Variants in FKTN observed in about 807,000 individuals in gnomAD.
FKTN encodes fukutin, also known as ribitol-5-phosphate transferase FKTN.
FKTN carries 47 observed loss-of-function variants against 58.6 expected under a neutral mutation model. The observed-to-expected ratio is 0.80, with a 90% confidence interval of 0.63 to 1.02. The LOEUF (loss-of-function observed/expected upper bound fraction) is 1.02, where lower values mean the gene tolerates loss of function less well. Among genes scored for constraint, FKTN ranks in the 50% least tolerant of loss-of-function variants. The pLI is 0.00. For missense variants in FKTN, 516 were observed against 537.3 expected (o/e 0.96, Z 0.39); for synonymous variants, 178 against 191.9 (o/e 0.93, Z 0.60).
intron 5 of FKTN, among the ~76,000 whole-genome samples, chr9:105,602,678 C>T (rs1390285647): frequency 6.6e-6 from 1 of 152,218 alleles, no homozygotes; most frequent in Non-Finnish European, 1.5e-5. Context: ...GCCTCAGCCT[C>T]CTGAGTAGCT....
At chr9:105,573,189 C>T (rs1841064627) in intron 1 of FKTN, among the ~76,000 whole-genome samples, 2 of 151,512 alleles carry the variant, frequency 1.3e-5, no homozygotes, top group South Asian at 2.1e-4. Context: ...GAACTGAGAT[C>T]GTGCCACTGC....
intron 1 of FKTN, among the ~76,000 whole-genome samples, chr9:105,559,074 C>T (rs1228776659): frequency 6.6e-6 from 1 of 152,140 alleles, no homozygotes; most frequent in Non-Finnish European, 1.5e-5. Context: ...TTTCTTGGAT[C>T]TGGGTGATGA....
At chr9:105,563,963 G>C (rs548191566) in intron 1 of FKTN, among the ~76,000 whole-genome samples, 29 of 152,322 alleles carry the variant, frequency 1.9e-4, no homozygotes, top group African/African-American at 7.0e-4. Flanking sequence ...ACTTCCAGAG[G>C]AACGATCAGG....
intron 3 of FKTN, among the ~76,000 whole-genome samples, chr9:105,588,420 T>C (rs1157400703): frequency 6.6e-6 from 1 of 152,228 alleles, no homozygotes. Flanking sequence ...GCCATTCATT[T>C]GTCAAGTATT....
chr9:105,630,520 C>T (rs1490811708), intron 10 of FKTN, among the ~76,000 whole-genome samples: 1 of 152,100 alleles, frequency 6.6e-6, no homozygotes, highest in Non-Finnish European at 1.5e-5. Context: ...AACAGATTAT[C>T]CCTGTATTGT....
rs1554766276 is a variant in FKTN at position 105,632,427 on chromosome 9, A to AAT, written c.1173-2610_1173-2609dup. ...AAAACTTAAAAGTATAATAAAAAAA[A>AAT]ATATATATATATATAAAAATAAAAA... is the stretch of plus-strand genomic sequence containing the variant. On this transcript the variant is annotated intron_variant, in intron 10 of 10. Coordinates refer to ENST00000357998, the MANE Select transcript of FKTN (RefSeq NM_001079802.2). 1.6e-3 allele frequency among the ~76,000 whole-genome samples: 237 copies of AAT among 148,082 alleles called. 1 individual carries two copies. Among genetic ancestry groups the AAT allele is most frequent in the South Asian group, 2.3e-3 (11 of 4,750 alleles).
At chr9:105,634,952 G>A in intron 10 of FKTN, 99 bp from the exon 11 acceptor site, 1 of 921,246 alleles carries the variant, frequency 1.1e-6, no homozygotes, top group Non-Finnish European at 1.8e-6. Flanking sequence ...GCTGTGTAAT[G>A]GGAGAGCACT....
At chr9:105,592,295 A>G (rs991110732) in intron 3 of FKTN, among the ~76,000 whole-genome samples, 2 of 152,324 alleles carry the variant, frequency 1.3e-5, no homozygotes, top group Admixed American at 6.5e-5. Flanking sequence ...ACATATGAGC[A>G]TAGGTTGTTA....
Position 105,639,276 on chromosome 9 carries a change from C to G in FKTN, c.*4012C>G. On this transcript the variant is annotated 3_prime_UTR_variant, in exon 11 of 11. Transcript: ENST00000357998. Reference sequence around the variant, plus strand: ...CCTTGTCTTCCACTATCATTAAGACCTGGGCTAGATCACCTCTAACATCTC... The same window carrying G: ...CCTTGTCTTCCACTATCATTAAGACGTGGGCTAGATCACCTCTAACATCTC... 1 of 985,342 alleles carries G rather than the reference C, an allele frequency of 1.0e-6. No individual in the cohort carries two copies. The highest frequency in any genetic ancestry group is 1.2e-6 in the Non-Finnish European group (1 of 829,900). 61.0% of individuals were successfully genotyped at this position (985,342 alleles called of 1,614,324 possible). A position where few individuals can be genotyped will look rare whatever the true frequency, so the allele number is the denominator to read the frequency against.
chr9:105,633,594 A>G (rs1368350679), intron 10 of FKTN: 1 of 152,234 alleles, frequency 6.6e-6, no homozygotes, highest in Non-Finnish European at 1.5e-5. Flanking sequence ...AATTGGGACC[A>G]GCAGATGGTG....
intron 3 of FKTN, 44 bp from the exon 4 acceptor site, chr9:105,596,554 C>T: frequency 7.8e-7 from 1 of 1,285,942 alleles, no homozygotes; most frequent in Non-Finnish European, 1.1e-6. Context: ...ATGTTGCATG[C>T]TGGACTTTGA....
chr9:105,611,699 G>A (rs1432829569), intron 7 of FKTN, among the ~76,000 whole-genome samples: 1 of 152,146 alleles, frequency 6.6e-6, no homozygotes, highest in East Asian at 1.9e-4. Flanking sequence ...TGGCTGCATA[G>A]TATTCCATGG....
At chr9:105,604,561 A>G in intron 6 of FKTN, 69 bp downstream of exon 6, 1 of 1,232,606 alleles carries the variant, frequency 8.1e-7, no homozygotes, top group Non-Finnish European at 1.2e-6. Flanking sequence ...CAGTGTTTTT[A>G]CATTTGAGTA....
intron 2 of FKTN, among the ~76,000 whole-genome samples, 186 bp from the exon 3 acceptor site, chr9:105,574,759 A>G (rs529624640): frequency 1.3e-5 from 2 of 152,310 alleles, no homozygotes. Flanking sequence ...TATAAAAAAA[A>G]GTGATAATAA....
intron 1 of FKTN, among the ~76,000 whole-genome samples, chr9:105,563,113 C>A (rs180969721): frequency 2.6e-5 from 4 of 152,192 alleles, no homozygotes; most frequent in African/African-American, 9.7e-5. Context: ...GTCTTTCATA[C>A]TAATACCTTC....
At chr9:105,621,190 T>A (rs1375714815) in intron 10 of FKTN, among the ~76,000 whole-genome samples, 1 of 152,140 alleles carries the variant, frequency 6.6e-6, no homozygotes, top group South Asian at 2.1e-4. Context: ...AAATGAGCAG[T>A]GATAGAACTG....
At chr9:105,572,246 A>G (rs1840866841) in intron 1 of FKTN, among the ~76,000 whole-genome samples, 1 of 151,592 alleles carries the variant, frequency 6.6e-6, no homozygotes, top group Non-Finnish European at 1.5e-5. Context: ...ATATATATAT[A>G]TATATTTTAG....
Position 105,606,257 on chromosome 9 carries a change from A to G in FKTN, c.648-1562A>G, listed in dbSNP as rs142252489. On this transcript the variant is annotated intron_variant, in intron 6 of 10. Coordinates refer to ENST00000357998, the MANE Select transcript of FKTN (RefSeq NM_001079802.2). The stretch of plus-strand genomic sequence containing the variant: ...TTTGGTGTTTACTTTATAATTCATT[A>G]TTTTGTGCCTTTATGTTATGCACTT... Among the ~76,000 whole-genome samples, 138 of 152,154 alleles carry G rather than the reference A, an allele frequency of 9.1e-4. 3 individuals are homozygous for G. The East Asian group carries it at 0.026, about 28-fold the overall frequency.
chr9:105,637,257 G>A lies in FKTN; in HGVS notation c.*1993G>A, dbSNP rs921332238. ...AATTGGGACTCCCATTCTTTGCCAG[G>A]AGATCTTACCCATCCCTTTTCAGAT... On this transcript the variant is annotated 3_prime_UTR_variant, in exon 11 of 11. Coordinates refer to ENST00000357998, the MANE Select transcript of FKTN (RefSeq NM_001079802.2). The A allele has an allele frequency of 4.1e-6, 4 of 985,444 alleles. No individual in the cohort carries two copies. In the African/African-American group the frequency reaches 7.0e-5, roughly 17 times the overall value. 61.0% of individuals were successfully genotyped at this position (985,444 alleles called of 1,614,324 possible). A position where few individuals can be genotyped will look rare whatever the true frequency, so the allele number is the denominator to read the frequency against.
Sources: allele counts gnomAD v4.1 joint callset (sites outside exome capture counted in the v4.1 genomes callset), GRCh38; gene constraint gnomAD v4.1.1; transcripts MANE v1.5; gene names NCBI Gene and HGNC (gene_info 2026-07-23, HGNC 2026-07-21).